The following BCAS3 variants were observed in gnomAD, a reference collection of about 807,000 sequenced individuals.
BCAS3 encodes the protein BCAS4/BCAS3 fusion.
Under a neutral mutation model 116.1 loss-of-function variants are expected in BCAS3, and 53 were observed. The observed-to-expected ratio is 0.46, with a 90% CI of 0.37 to 0.57. The LOEUF is 0.57. Ranked by LOEUF, BCAS3 falls within the 20% of genes least tolerant of loss-of-function variation. BCAS3 has a pLI of 0.00. For missense variants in BCAS3, 917 were observed against 1,165.4 expected, an observed-to-expected ratio of 0.79 and a Z score of 3.10; for synonymous variants, 391 against 408.2, an observed-to-expected ratio of 0.96 and a Z score of 0.51.
intron 22 of BCAS3, among the ~76,000 whole-genome samples, chr17:61,246,800 T>A (rs2048002686): frequency 6.7e-6 from 1 of 149,140 alleles, no homozygotes; most frequent in African/African-American, 2.5e-5. Flanking sequence ...AGAGTGTGTG[T>A]GTGTGTGTGT....
chr17:60,686,018 C>T (rs1414978807), intron 3 of BCAS3, among the ~76,000 whole-genome samples: 1 of 151,674 alleles, frequency 6.6e-6, no homozygotes, highest in Non-Finnish European at 1.5e-5. Context: ...TACAGGCGCC[C>T]ACCGCCACAC....
In BCAS3 at chr17:61,008,702, TAAAA is replaced by T. The variant is rs562937210; in HGVS notation, c.1487-7045_1487-7042del. Among the ~76,000 whole-genome samples, 16 of 150,702 alleles carry T rather than the reference TAAAA, an allele frequency of 1.1e-4. No individual in the cohort carries two copies. The East Asian group carries it at 2.9e-3, about 28-fold the overall frequency. On this transcript the variant is annotated intron_variant, in intron 15 of 23. Coordinates refer to ENST00000407086, the MANE Select transcript of BCAS3 (RefSeq NM_017679.5). The surrounding 1 kb of genome is among the most constrained non-coding windows in gnomAD (Gnocchi z 4.6). ...CAAAAGTTTACCAAAAAATAAAAAA[TAAAA>T]AAATAAAAAAAAAGGCCCCGTAGAA...
At chr17:61,275,712 A>G (rs905313434) in intron 22 of BCAS3, among the ~76,000 whole-genome samples, 6 of 152,210 alleles carry the variant, frequency 3.9e-5, no homozygotes, top group African/African-American at 1.4e-4. Context: ...GAAGGAGACT[A>G]TCTCATGAGA....
intron 7 of BCAS3, among the ~76,000 whole-genome samples, chr17:60,858,231 A>G (rs1192622710): frequency 6.6e-6 from 1 of 152,114 alleles, no homozygotes; most frequent in Non-Finnish European, 1.5e-5. Flanking sequence ...AGTTGTTCCA[A>G]TTGTATGCAT....
rs867232295 is a variant in BCAS3 at position 61,361,349 on chromosome 17, G to A, written c.2426-6978G>A. ...TTGCATATTTTGCAGTTGTGAAAAT[G>A]GTCTCCTTGTCAAAATAACTGTGTT... On this transcript the variant is annotated intron_variant, in intron 22 of 23. Transcript: ENST00000407086. This position sits in a 1 kb window ranked among gnomAD's most constrained non-coding sequence, Gnocchi z 6.5. Among the ~76,000 whole-genome samples the A allele has an allele frequency of 1.1e-4, 16 of 152,106 alleles. No individual in the cohort carries two copies. The highest frequency in any genetic ancestry group is 3.6e-4 in the African/African-American group (15 of 41,426).
chr17:61,329,502 G>T (rs541805871), intron 22 of BCAS3, among the ~76,000 whole-genome samples: 1 of 151,790 alleles, frequency 6.6e-6, no homozygotes, highest in African/African-American at 2.4e-5. Flanking sequence ...CACCACGCCC[G>T]GCTAATTTTT....
intron 19 of BCAS3, among the ~76,000 whole-genome samples, chr17:61,045,868 T>TA: frequency 4.1e-5 from 1 of 24,562 alleles, no homozygotes; most frequent in Non-Finnish European, 6.3e-5. Context: ...TATATATAAA[T>TA]ATATATAAAT....
At chr17:60,714,787 T>C (rs1278449359) in intron 5 of BCAS3, among the ~76,000 whole-genome samples, 4 of 152,218 alleles carry the variant, frequency 2.6e-5, no homozygotes, top group Admixed American at 6.5e-5. Flanking sequence ...TATTATTAAT[T>C]AGAGTCAGCT....
intron 13 of BCAS3, among the ~76,000 whole-genome samples, chr17:60,938,386 C>G (rs1012429911): frequency 6.6e-6 from 1 of 152,044 alleles, no homozygotes; most frequent in Non-Finnish European, 1.5e-5. Flanking sequence ...TGATTTTTGA[C>G]AAAAGTGGCA....
intron 7 of BCAS3, among the ~76,000 whole-genome samples, chr17:60,817,354 C>T (rs975501485): frequency 6.6e-6 from 1 of 152,098 alleles, no homozygotes; most frequent in African/African-American, 2.4e-5. Flanking sequence ...CTAAACAGTT[C>T]CCAGAATGTA....
At position 61,276,923 on chromosome 17, in the gene BCAS3, A is replaced by G. The variant is rs2050803835; in HGVS notation, c.2426-91404A>G. On this transcript the variant is annotated intron_variant, in intron 22 of 23. Coordinates refer to ENST00000407086, the MANE Select transcript of BCAS3 (RefSeq NM_017679.5). The surrounding 1 kb of genome is among the most constrained non-coding windows in gnomAD (Gnocchi z 4.2). ...TCACATTTACAGTCAATTGAATTTT[A>G]AACATGGATGTCAAGACATTTTCTA... 6.6e-6 allele frequency among the ~76,000 whole-genome samples: 1 copy of G among 152,182 alleles called. No individual in the cohort carries two copies. The highest frequency in any genetic ancestry group is 1.5e-5 in the Non-Finnish European group (1 of 68,032).
Position 61,338,798 on chromosome 17 carries a change from C to T in BCAS3, c.2426-29529C>T, listed in dbSNP as rs898208896. Reference sequence around the variant, plus strand: ...TTTCCTAGGAAGAATACATTTTCCCCTGTGACACTGAAAAGTTATTTTTTT... The same window carrying T: ...TTTCCTAGGAAGAATACATTTTCCCTTGTGACACTGAAAAGTTATTTTTTT... On this transcript the variant is annotated intron_variant, in intron 22 of 23. Transcript: ENST00000407086. 3.3e-5 allele frequency among the ~76,000 whole-genome samples: 5 copies of T among 150,136 alleles called. No individual in the cohort carries two copies. The East Asian group carries it at 7.9e-4, about 24-fold the overall frequency.
At chr17:60,875,409 A>G (rs2055507343) in intron 9 of BCAS3, among the ~76,000 whole-genome samples, 2 of 152,248 alleles carry the variant, frequency 1.3e-5, no homozygotes, top group Non-Finnish European at 1.5e-5. Flanking sequence ...ATGTAAACAC[A>G]TAAAGCCTTG....
rs2064795650 is a variant in BCAS3 at position 61,007,464 on chromosome 17, G to A, written c.1487-8287G>A. ...ATACTTAAATTTGTATGTTGTAGTAGCCAACACATTCAGATAATAATTAAC... is the reference window on the plus strand; with the variant it reads ...ATACTTAAATTTGTATGTTGTAGTAACCAACACATTCAGATAATAATTAAC... On this transcript the variant is annotated intron_variant, in intron 15 of 23. Transcript: ENST00000407086. The surrounding 1 kb of genome is among the most constrained non-coding windows in gnomAD (Gnocchi z 4.3). Among the ~76,000 whole-genome samples, 1 of 151,908 alleles carries A rather than the reference G, an allele frequency of 6.6e-6. No homozygotes were observed. The highest frequency in any genetic ancestry group is 1.5e-5 in the Non-Finnish European group (1 of 67,942).
rs966926145 is a variant in BCAS3 at position 61,041,340 on chromosome 17, G to A, written c.2029+448G>A. Among the ~76,000 whole-genome samples, 2 of 151,838 alleles carry A rather than the reference G, an allele frequency of 1.3e-5. No homozygotes were observed. The highest frequency in any genetic ancestry group is 1.3e-4 in the Admixed American group (2 of 15,252). On this transcript the variant is annotated intron_variant, in intron 19 of 23. Coordinates refer to ENST00000407086, the MANE Select transcript of BCAS3 (RefSeq NM_017679.5). The surrounding 1 kb of genome is among the most constrained non-coding windows in gnomAD (Gnocchi z 4.7). ...GGTAGAATTTTACTTGCAATAATGA[G>A]GTAAAGATTTCAACTACATTTGTTA... is the stretch of plus-strand genomic sequence containing the variant.
At chr17:60,786,171 G>A (rs1181489711) in intron 6 of BCAS3, among the ~76,000 whole-genome samples, 1 of 151,988 alleles carries the variant, frequency 6.6e-6, no homozygotes, top group Non-Finnish European at 1.5e-5. Flanking sequence ...TAATTTCAGG[G>A]TATTAATATT....
rs2081041212 is a variant in BCAS3, at chr17:61,204,943, T to C, written c.2425+120379T>C. The stretch of plus-strand genomic sequence containing the variant: ...GGCACATACCTGTAGTCCCAGCTAC[T>C]CAGGAGGCTGAAGTGGAAGGATCAC... On this transcript the variant is annotated intron_variant, in intron 22 of 23. Coordinates refer to ENST00000407086, the MANE Select transcript of BCAS3 (RefSeq NM_017679.5). This position sits in a 1 kb window ranked among gnomAD's most constrained non-coding sequence, Gnocchi z 4.2. 1.3e-5 allele frequency among the ~76,000 whole-genome samples: 2 copies of C among 152,116 alleles called. No homozygotes were observed. The highest frequency in any genetic ancestry group is 1.9e-4 in the East Asian group (1 of 5,190).
chr17:61,227,032 A>T lies in BCAS3; in HGVS notation c.2426-141295A>T, dbSNP rs2082404708. On this transcript the variant is annotated intron_variant, in intron 22 of 23. Transcript: ENST00000407086. The surrounding 1 kb of genome is among the most constrained non-coding windows in gnomAD (Gnocchi z 6.1). The stretch of plus-strand genomic sequence containing the variant: ...GGATGGAGACTGGGAGAGGAGTTCC[A>T]GGTTGGGGTGTATGAGGTGGTTAAC... Among the ~76,000 whole-genome samples the T allele has an allele frequency of 6.6e-6, 1 of 152,184 alleles. No homozygotes were observed. The highest frequency in any genetic ancestry group is 1.9e-4 in the East Asian group (1 of 5,198).
At chr17:60,721,792 A>G (rs2039267328) in intron 5 of BCAS3, among the ~76,000 whole-genome samples, 1 of 152,164 alleles carries the variant, frequency 6.6e-6, no homozygotes, top group South Asian at 2.1e-4. Context: ...ATCATCCTGG[A>G]TTAAGATCTA....
Sources: allele counts gnomAD v4.1 joint callset (sites outside exome capture counted in the v4.1 genomes callset), GRCh38; gene constraint gnomAD v4.1.1; non-coding constraint Gnocchi (gnomAD v3.1); transcripts MANE v1.5; gene names NCBI Gene and HGNC (gene_info 2026-07-23, HGNC 2026-07-21).